The following BCAS3 variants were observed in gnomAD, a reference collection of about 807,000 sequenced individuals.
BCAS3 encodes BCAS3 microtubule associated cell migration factor, also known as BCAS4/BCAS3 fusion.
BCAS3 carries 53 observed loss-of-function variants against 116.1 expected under a neutral mutation model. The observed-to-expected ratio is 0.46, with a 90% CI of 0.37 to 0.57. The LOEUF is 0.57. Ranked by LOEUF, BCAS3 falls within the 20% of genes least tolerant of loss-of-function variation. BCAS3 has a pLI of 0.00. For synonymous variants in BCAS3, 391 were observed against 408.2 expected (o/e 0.96, Z 0.51); for missense variants, 917 against 1,165.4 (o/e 0.79, Z 3.10).
At chr17:60,741,255 G>C (rs2041521492) in intron 5 of BCAS3, among the ~76,000 whole-genome samples, 1 of 152,160 alleles carries the variant, frequency 6.6e-6, no homozygotes, top group African/African-American at 2.4e-5. Flanking sequence ...CCTGTGGTCA[G>C]ATCTAAGTGA....
At chr17:61,187,257 A>G (rs952169726) in intron 22 of BCAS3, among the ~76,000 whole-genome samples, 2 of 152,230 alleles carry the variant, frequency 1.3e-5, no homozygotes, top group Admixed American at 6.5e-5. Context: ...TACTCTCAGC[A>G]TGAGGCTTTT....
chr17:61,267,452 T>C (rs2049833884), intron 22 of BCAS3, among the ~76,000 whole-genome samples: 1 of 151,644 alleles, frequency 6.6e-6, no homozygotes, highest in African/African-American at 2.4e-5. Context: ...AAAAAACTAA[T>C]TTAGGCCAGG....
At chr17:60,807,968 C>A (rs2048438060) in intron 6 of BCAS3, 36 bp from the exon 7 acceptor site, 1 of 1,446,144 alleles carries the variant, frequency 6.9e-7, no homozygotes, top group East Asian at 2.3e-5. Flanking sequence ...AATAATATTC[C>A]TCAAAGCTTA....
rs2059466720 is a variant in BCAS3, at chr17:61,378,930, C to T, written c.2593+10436C>T. On this transcript the variant is annotated intron_variant, in intron 23 of 23. Transcript: ENST00000407086. The surrounding 1 kb of genome is among the most constrained non-coding windows in gnomAD (Gnocchi z 5.8). ...CATATTTCTTAGTTGTCTAAAGTGA[C>T]TTTTCAACTCTTTCACCAAGGCACA... 1 of 152,258 alleles carries T rather than the reference C, an allele frequency of 6.6e-6. No homozygotes were observed. 9.4% of individuals were successfully genotyped at this position (152,258 alleles called of 1,614,324 possible).
At position 61,090,748 on chromosome 17, in the gene BCAS3, C is replaced by G. The variant is rs1046538889; in HGVS notation, c.2425+6184C>G. Among the ~76,000 whole-genome samples the G allele has an allele frequency of 5.9e-5, 9 of 152,222 alleles. No homozygotes were observed. The South Asian group carries it at 1.9e-3, about 32-fold the overall frequency. On this transcript the variant is annotated intron_variant, in intron 22 of 23. Transcript: ENST00000407086. ...TCTTGGCTCACTGCAACCTCTGCCT[C>G]TCGGGTTCAAGCGATTCTCCTGCCT...
chr17:60,726,203 G>GT (rs1568111003), intron 5 of BCAS3, among the ~76,000 whole-genome samples: 3 of 143,514 alleles, frequency 2.1e-5, no homozygotes, highest in African/African-American at 7.7e-5. Flanking sequence ...CCAGAGGGAG[G>GT]ATTTTTTTTT....
chr17:61,028,882 T>C lies in BCAS3; in HGVS notation c.1638-5784T>C, dbSNP rs967011521. ...AAGGTTCTCCTTTAAAATGTTACTT[T>C]CCCAGTGGTGCATGTTTTTTCCATT... On this transcript the variant is annotated intron_variant, in intron 16 of 23. Coordinates refer to ENST00000407086, the MANE Select transcript of BCAS3 (RefSeq NM_017679.5). This position sits in a 1 kb window ranked among gnomAD's most constrained non-coding sequence, Gnocchi z 4.3. Among the ~76,000 whole-genome samples the C allele has an allele frequency of 6.6e-6, 1 of 151,926 alleles. No homozygotes were observed. The highest frequency in any genetic ancestry group is 2.4e-5 in the African/African-American group (1 of 41,450).
chr17:60,979,630 G>A (rs927577633), intron 14 of BCAS3, among the ~76,000 whole-genome samples: 5 of 149,156 alleles, frequency 3.4e-5, no homozygotes, highest in Admixed American at 2.0e-4. Flanking sequence ...TTGGCTGTGG[G>A]TTTGTCATAG....
In BCAS3 at chr17:61,361,429, A is replaced by G. The variant is rs1043905078; in HGVS notation, c.2426-6898A>G. Among the ~76,000 whole-genome samples, 4 of 152,176 alleles carry G rather than the reference A, an allele frequency of 2.6e-5. No individual in the cohort carries two copies. Among genetic ancestry groups the G allele is most frequent in the African/African-American group, 9.7e-5 (4 of 41,448 alleles). On this transcript the variant is annotated intron_variant, in intron 22 of 23. Coordinates refer to ENST00000407086, the MANE Select transcript of BCAS3 (RefSeq NM_017679.5). This position sits in a 1 kb window ranked among gnomAD's most constrained non-coding sequence, Gnocchi z 6.5. ...CCATTGAACTCCTTTTCCCTGGCTCAGGACCATGCGATATGATACACATAA... is the reference window on the plus strand; with the variant it reads ...CCATTGAACTCCTTTTCCCTGGCTCGGGACCATGCGATATGATACACATAA...
In BCAS3 at chr17:60,964,867, C is replaced by G. The variant is rs146548403; in HGVS notation, c.1221+17515C>G. Reference sequence around the variant, plus strand: ...TAGTCTCTAATGATTTTTTGTGTTTCTGAGGTCTCAGTTGTTATGTGTCCT... The same window carrying G: ...TAGTCTCTAATGATTTTTTGTGTTTGTGAGGTCTCAGTTGTTATGTGTCCT... On this transcript the variant is annotated intron_variant, in intron 14 of 23. Coordinates refer to ENST00000407086, the MANE Select transcript of BCAS3 (RefSeq NM_017679.5). This position sits in a 1 kb window ranked among gnomAD's most constrained non-coding sequence, Gnocchi z 4.6. Among the ~76,000 whole-genome samples, 40 of 152,044 alleles carry G rather than the reference C, an allele frequency of 2.6e-4. No homozygotes were observed. Among genetic ancestry groups the G allele is most frequent in the African/African-American group, 9.2e-4 (38 of 41,498 alleles).
intron 7 of BCAS3, among the ~76,000 whole-genome samples, chr17:60,809,915 G>A (rs958738608): frequency 6.6e-6 from 1 of 152,120 alleles, no homozygotes; most frequent in African/African-American, 2.4e-5. Context: ...AGTAATGCAA[G>A]AATAAAAGAA....
chr17:60,768,616 A>G (rs1568208434), intron 6 of BCAS3, among the ~76,000 whole-genome samples: 1 of 152,080 alleles, frequency 6.6e-6, no homozygotes, highest in African/African-American at 2.4e-5. Context: ...ATATCTATCT[A>G]TCTCCTATTC....
chr17:61,077,546 T>C lies in BCAS3; in HGVS notation c.2131-787T>C, dbSNP rs547336551. ...AAAAAATGAAATAAAATAAATAAAA[T>C]AAAATATTGGCAACATTCCCTATCC... On this transcript the variant is annotated intron_variant, in intron 20 of 23. Coordinates refer to ENST00000407086, the MANE Select transcript of BCAS3 (RefSeq NM_017679.5). This position sits in a 1 kb window ranked among gnomAD's most constrained non-coding sequence, Gnocchi z 4.3. Among the ~76,000 whole-genome samples the C allele has an allele frequency of 1.3e-5, 2 of 152,014 alleles. No homozygotes were observed. The highest frequency in any genetic ancestry group is 2.4e-5 in the African/African-American group (1 of 41,500).
chr17:60,823,329 G>C (rs2050116539), intron 7 of BCAS3, among the ~76,000 whole-genome samples: 1 of 152,068 alleles, frequency 6.6e-6, no homozygotes, highest in African/African-American at 2.4e-5. Flanking sequence ...GTTGAAAAAA[G>C]GGTGAGGGGA....
intron 14 of BCAS3, among the ~76,000 whole-genome samples, chr17:60,947,839 T>G (rs1392073749): frequency 6.6e-6 from 1 of 152,196 alleles, no homozygotes; most frequent in African/African-American, 2.4e-5. Flanking sequence ...CATCCCTCCT[T>G]GGCACGGTAT....
intron 22 of BCAS3, among the ~76,000 whole-genome samples, chr17:61,110,537 G>A (rs2074997264): frequency 6.6e-6 from 1 of 151,734 alleles, no homozygotes; most frequent in Admixed American, 6.6e-5. Flanking sequence ...TTTCGGACCG[G>A]CTTAAAAAAC....
rs181431699 is a variant in BCAS3 at position 61,040,860 on chromosome 17, C to T, written c.1997C>T (p.Ala666Val). ...ANHPLLLAAD[A>V]VQYYQFLLAG... ...CACCCTCTGCTCCTCGCTGCAGATG[C>T]AGTACAGTATTATCAGTTCCTGCTT... The change falls in exon 19 of 24, where the codon GCA (alanine) becomes GTA (valine). Residue 666 changes from alanine to valine, a missense_variant. Around this residue, in one of 3 missense-constraint regions of BCAS3, gnomAD observed 807 missense variants for 1,026.0 expected, o/e 0.79. Coordinates refer to ENST00000407086, the MANE Select transcript of BCAS3 (RefSeq NM_017679.5). 7 of 1,614,104 alleles carry T rather than the reference C, an allele frequency of 4.3e-6. No individual in the cohort carries two copies. The highest frequency in any genetic ancestry group is 2.2e-5 in the East Asian group (1 of 44,876).
chr17:60,970,482 A>G (rs547896309), intron 14 of BCAS3, among the ~76,000 whole-genome samples: 67 of 152,324 alleles, frequency 4.4e-4, no homozygotes, highest in African/African-American at 1.5e-3. Flanking sequence ...ATATGATAGT[A>G]AATGTATATT....
At chr17:60,936,517 C>T (rs201152646) in intron 13 of BCAS3, among the ~76,000 whole-genome samples, 3 of 150,884 alleles carry the variant, frequency 2.0e-5, no homozygotes, top group African/African-American at 7.3e-5. Context: ...CTCTCCAGCA[C>T]CTGTTGTTTC....
Sources: gnomAD v4.1 joint callset for allele counts (sites outside exome capture counted in the v4.1 genomes callset) on GRCh38, gnomAD v4.1.1 for gene constraint, gnomAD v4.1.1 regional missense constraint, Gnocchi (gnomAD v3.1) non-coding constraint, MANE v1.5 for transcripts, NCBI Gene and HGNC (gene_info 2026-07-23, HGNC 2026-07-21) for gene names.